The following CNTN4 variants were observed in gnomAD, a reference collection of about 807,000 sequenced individuals.
CNTN4 encodes the protein contactin-4.
In CNTN4, 77 loss-of-function variants were observed where a neutral mutation model predicts 122.5. That is an observed-to-expected ratio of 0.63 (90% CI 0.52 to 0.76). The LOEUF (loss-of-function observed/expected upper bound fraction) is 0.76. Among genes scored for constraint, CNTN4 ranks in the 30% least tolerant of loss-of-function variants. The pLI is 0.00. For synonymous variants in CNTN4, 512 were observed against 447.0 expected, an observed-to-expected ratio of 1.15 and a Z score of -1.83; for missense variants, 1,256 against 1,259.1, an observed-to-expected ratio of 1.00 and a Z score of 0.04.
intron 3 of CNTN4, among the ~76,000 whole-genome samples, chr3:2,428,781 C>CT (rs1559544456): frequency 6.6e-6 from 1 of 152,142 alleles, no homozygotes; most frequent in South Asian, 2.1e-4. Context: ...TCTTTTTACT[C>CT]TTTTTTCTCT....
At chr3:2,642,202 G>T (rs961346270) in intron 4 of CNTN4, among the ~76,000 whole-genome samples, 2 of 152,178 alleles carry the variant, frequency 1.3e-5, no homozygotes, top group African/African-American at 4.8e-5. Context: ...AGTAGAACTT[G>T]CAGTACAATG....
At chr3:2,206,625 G>C (rs2038357077) in intron 2 of CNTN4, among the ~76,000 whole-genome samples, 2 of 147,966 alleles carry the variant, frequency 1.4e-5, no homozygotes, top group African/African-American at 4.9e-5. Context: ...TATGTTTATT[G>C]ATCAATTATG....
intron 4 of CNTN4, among the ~76,000 whole-genome samples, chr3:2,605,067 T>C (rs1055633381): frequency 5.3e-5 from 8 of 152,220 alleles, no homozygotes; most frequent in Non-Finnish European, 1.2e-4. Flanking sequence ...AGTTCAGTAG[T>C]GTCATCATAG....
chr3:2,136,721 T>C (rs2034710361), intron 2 of CNTN4, among the ~76,000 whole-genome samples: 1 of 151,970 alleles, frequency 6.6e-6, no homozygotes, highest in Non-Finnish European at 1.5e-5. Flanking sequence ...TCCAAGGGTA[T>C]TCCAGTTGTA....
intron 4 of CNTN4, among the ~76,000 whole-genome samples, chr3:2,676,467 C>A (rs2084851258): frequency 6.6e-6 from 1 of 152,204 alleles, no homozygotes; most frequent in Non-Finnish European, 1.5e-5. Flanking sequence ...AGTGATCCGG[C>A]TGCCTCGGCC....
chr3:2,372,538 AT>A (rs1255472431), intron 3 of CNTN4, among the ~76,000 whole-genome samples: 1 of 152,226 alleles, frequency 6.6e-6, no homozygotes, highest in Non-Finnish European at 1.5e-5. Flanking sequence ...CCAGGTTCCA[AT>A]CCCTAATGTC....
intron 3 of CNTN4, among the ~76,000 whole-genome samples, chr3:2,398,921 T>TA (rs1308739109): frequency 6.6e-6 from 1 of 152,108 alleles, no homozygotes; most frequent in East Asian, 1.9e-4. Context: ...GGCTCAGGCG[T>TA]TTCCATATAT....
At chr3:2,187,632 AGT>A (rs1428020218) in intron 2 of CNTN4, among the ~76,000 whole-genome samples, 2 of 152,164 alleles carry the variant, frequency 1.3e-5, no homozygotes, top group East Asian at 3.9e-4. Context: ...TCTTAGTTGT[AGT>A]GTGTGTGAGG....
chr3:2,864,370 C>A (rs2093700996), intron 7 of CNTN4, among the ~76,000 whole-genome samples: 1 of 152,050 alleles, frequency 6.6e-6, no homozygotes, highest in African/African-American at 2.4e-5. Flanking sequence ...GCTAAATGAG[C>A]CTCCCGCAGA....
intron 2 of CNTN4, among the ~76,000 whole-genome samples, chr3:2,169,678 T>G (rs936852891): frequency 4.0e-5 from 6 of 151,840 alleles, no homozygotes; most frequent in African/African-American, 7.3e-5. Flanking sequence ...ATTACAGGCG[T>G]GAGCCACCGC....
At chr3:2,657,670 T>G (rs2083655186) in intron 4 of CNTN4, among the ~76,000 whole-genome samples, 1 of 152,042 alleles carries the variant, frequency 6.6e-6, no homozygotes, top group African/African-American at 2.4e-5. Flanking sequence ...GGGTGAGTCA[T>G]GCATCGGATG....
chr3:2,508,398 A>G (rs2076793832), intron 3 of CNTN4, among the ~76,000 whole-genome samples: 2 of 152,238 alleles, frequency 1.3e-5, no homozygotes, highest in African/African-American at 2.4e-5. Flanking sequence ...GAGCAGTTGT[A>G]TGCACATCTG....
At chr3:2,995,105 G>T (rs1395165778) in intron 14 of CNTN4, among the ~76,000 whole-genome samples, 1 of 152,116 alleles carries the variant, frequency 6.6e-6, no homozygotes, top group African/African-American at 2.4e-5. Flanking sequence ...AGGTCCCTCA[G>T]TAGAAGAACA....
At chr3:3,050,946 G>C (rs983299530) in intron 23 of CNTN4, among the ~76,000 whole-genome samples, 1 of 152,058 alleles carries the variant, frequency 6.6e-6, no homozygotes, top group African/African-American at 2.4e-5. Context: ...TAAGCATTTA[G>C]AACAAGCTTG....
At chr3:2,712,815 G>A (rs897972614) in intron 4 of CNTN4, among the ~76,000 whole-genome samples, 1 of 152,148 alleles carries the variant, frequency 6.6e-6, no homozygotes, top group African/African-American at 2.4e-5. Context: ...AACCAATCAT[G>A]CCTATGTAAA....
intron 2 of CNTN4, among the ~76,000 whole-genome samples, chr3:2,225,370 C>T (rs1378261101): frequency 1.3e-5 from 2 of 151,374 alleles, no homozygotes; most frequent in South Asian, 2.1e-4. Context: ...AAAAAGTAGC[C>T]GGGTGTGGTG....
At position 2,585,571 on chromosome 3, in the gene CNTN4, G is replaced by C. The variant is rs532733838; in HGVS notation, c.55+14013G>C. Among the ~76,000 whole-genome samples the C allele has an allele frequency of 1.3e-3, 190 of 151,748 alleles. 1 individual carries two copies. The highest frequency in any genetic ancestry group is 4.4e-3 in the African/African-American group (184 of 41,380). ...GGATGAAGCTGGAAACCATCATTCT[G>C]AGCAAACTATCGCATGGACAAAAAA... is the stretch of plus-strand genomic sequence containing the variant. On this transcript the variant is annotated intron_variant, in intron 4 of 24. Transcript: ENST00000418658.
chr3:2,751,790 A>T (rs2090105161), intron 6 of CNTN4, among the ~76,000 whole-genome samples: 1 of 152,080 alleles, frequency 6.6e-6, no homozygotes, highest in African/African-American at 2.4e-5. Flanking sequence ...TATTTATTTT[A>T]AAAAAATAAA....
intron 12 of CNTN4, among the ~76,000 whole-genome samples, chr3:2,912,093 C>G (rs1328006407): frequency 2.5e-5 from 2 of 78,984 alleles, no homozygotes; most frequent in African/African-American, 1.0e-4. Flanking sequence ...AGCTCAAGAA[C>G]TGCAGCTAGG....
Sources: allele counts gnomAD v4.1 joint callset (sites outside exome capture counted in the v4.1 genomes callset), GRCh38; gene constraint gnomAD v4.1.1; transcripts MANE v1.5; gene names NCBI Gene and HGNC (gene_info 2026-07-23, HGNC 2026-07-21).